Variants in FRMPD1 observed in about 807,000 individuals in gnomAD.
FRMPD1 encodes the protein FERM and PDZ domain-containing protein 1.
In FRMPD1, 76 loss-of-function variants were observed where a neutral mutation model predicts 117.8. The observed-to-expected ratio is 0.65, with a 90% CI of 0.54 to 0.78. FRMPD1 has a LOEUF of 0.78. Ranked by LOEUF, FRMPD1 falls within the 30% of genes least tolerant of loss-of-function variation. The pLI is 0.00. For missense variants in FRMPD1, 1,786 were observed against 1,964.5 expected (o/e 0.91, Z 1.72); for synonymous variants, 783 against 770.4 (o/e 1.02, Z -0.27).
intron 7 of FRMPD1, among the ~76,000 whole-genome samples, chr9:37,726,790 G>C (rs1378224535): frequency 6.6e-6 from 1 of 152,176 alleles, no homozygotes; most frequent in Non-Finnish European, 1.5e-5. Flanking sequence ...AGGGTGAGGA[G>C]ATGAGATCTG....
chr9:37,708,621 G>A lies in FRMPD1; in HGVS notation c.362+120G>A, dbSNP rs535352515. On this transcript the variant is annotated intron_variant, in intron 4 of 15. Coordinates refer to ENST00000377765, the MANE Select transcript of FRMPD1 (RefSeq NM_014907.3). Reference sequence around the variant, plus strand: ...ATAAGGCTAAGTCTCCTTTAAAGCAGCAAAAACAGCCTCGTTTTAGAGTTC... The same window carrying A: ...ATAAGGCTAAGTCTCCTTTAAAGCAACAAAAACAGCCTCGTTTTAGAGTTC... The A allele has an allele frequency of 2.1e-5, 13 of 621,490 alleles. No homozygotes were observed. In the South Asian group the frequency reaches 2.4e-4, roughly 12 times the overall value. The allele number at this position is 621,490 out of a possible 1,614,324, so 38.5% of individuals were successfully genotyped here. A position where few individuals can be genotyped will look rare whatever the true frequency, so the allele number is the denominator to read the frequency against.
In FRMPD1 at chr9:37,685,285, T is replaced by C. The variant is rs539526671; in HGVS notation, c.-4-7353T>C. On this transcript the variant is annotated intron_variant, in intron 1 of 15. Coordinates refer to ENST00000377765, the MANE Select transcript of FRMPD1 (RefSeq NM_014907.3). ...TGAGTTGATATGTGAAGAGTCTTCC[T>C]TGTGGCATACCTGAGAGTTGTATTT... Among the ~76,000 whole-genome samples the C allele has an allele frequency of 7.4e-4, 112 of 152,362 alleles. 1 individual carries two copies. Among genetic ancestry groups the C allele is most frequent in the African/African-American group, 2.5e-3 (106 of 41,586 alleles).
intron 5 of FRMPD1, among the ~76,000 whole-genome samples, chr9:37,716,249 G>C (rs1478273565): frequency 6.6e-6 from 1 of 152,220 alleles, no homozygotes; most frequent in African/African-American, 2.4e-5. Flanking sequence ...CCAAGGGATA[G>C]CTTCCAAGCC....
chr9:37,614,529 C>T, the FRMPD1 span, among the ~76,000 whole-genome samples: 1 of 152,176 alleles, frequency 6.6e-6, no homozygotes, highest in Admixed American at 6.5e-5. Flanking sequence ...CAGGGAAAGG[C>T]CAGCTGAAAT....
intron 1 of FRMPD1, among the ~76,000 whole-genome samples, chr9:37,655,755 G>A (rs1312865473): frequency 2.6e-5 from 4 of 151,682 alleles, no homozygotes; most frequent in African/African-American, 7.3e-5. Flanking sequence ...CACCCGCCTC[G>A]GCCTCCCAAA....
intron 7 of FRMPD1, among the ~76,000 whole-genome samples, chr9:37,728,898 G>A (rs765330723): frequency 3.3e-5 from 5 of 151,666 alleles, no homozygotes; most frequent in South Asian, 2.1e-4. Flanking sequence ...AGGTGGCGGC[G>A]GTTGCAGTGA....
intron 5 of FRMPD1, among the ~76,000 whole-genome samples, chr9:37,712,470 C>T (rs1822945157): frequency 6.6e-6 from 1 of 152,196 alleles, no homozygotes; most frequent in Admixed American, 6.5e-5. Context: ...ATTCTCCTGC[C>T]TCAACTTCCC....
the FRMPD1 span, among the ~76,000 whole-genome samples, chr9:37,618,669 C>A: frequency 2.0e-5 from 3 of 152,148 alleles, no homozygotes. Context: ...TCTCCCTGAC[C>A]ATATACCCTA....
At chr9:37,735,859 G>A (rs1824097514) in intron 13 of FRMPD1, 125 bp downstream of exon 13, 13 of 660,176 alleles carry the variant, frequency 2.0e-5, no homozygotes, top group South Asian at 6.6e-5. Context: ...TTAAGAGGAC[G>A]AATTGTCCAT....
intron 8 of FRMPD1, among the ~76,000 whole-genome samples, chr9:37,730,266 C>G (rs1283756800): frequency 1.3e-5 from 2 of 152,148 alleles, no homozygotes; most frequent in African/African-American, 4.8e-5. Flanking sequence ...CGATATGGTT[C>G]CTGATGGCAG....
the FRMPD1 span, among the ~76,000 whole-genome samples, chr9:37,639,903 A>T: frequency 6.6e-6 from 1 of 152,152 alleles, no homozygotes; most frequent in Non-Finnish European, 1.5e-5. Flanking sequence ...TCAAGTAAAA[A>T]ATAAAATTTT....
rs183970709 is a variant in FRMPD1, at chr9:37,685,874, G to A, written c.-4-6764G>A. ...TTTATCCTTTGCTGCCTCCACTGAT[G>A]TTTTCATTTCTCAATAGCTTGTGCT... On this transcript the variant is annotated intron_variant, in intron 1 of 15. Transcript: ENST00000377765. Among the ~76,000 whole-genome samples, 45 of 152,222 alleles carry A rather than the reference G, an allele frequency of 3.0e-4. 1 individual carries two copies. The East Asian group carries it at 6.9e-3, about 23-fold the overall frequency.
At chr9:37,626,642 A>AAAAAAAAAAAAAAAAAAAAAAAAAAAG in the FRMPD1 span, among the ~76,000 whole-genome samples, 1 of 146,312 alleles carries the variant, frequency 6.8e-6, no homozygotes, top group African/African-American at 2.5e-5. Flanking sequence ...AAAAAAAAAA[A>AAAAAAAAAAAAAAAAAAAAAAAAAAAG]GCTGGAGGTG....
At chr9:37,610,080 C>T in the FRMPD1 span, among the ~76,000 whole-genome samples, 1 of 152,222 alleles carries the variant, frequency 6.6e-6, no homozygotes, top group Non-Finnish European at 1.5e-5. Context: ...CACTTGCCAC[C>T]ATTGAACATA....
In FRMPD1 at chr9:37,744,882, C is replaced by G. The variant is rs768645384; in HGVS notation, c.2850C>G (p.Pro950=). The change falls in exon 16 of 16, where the codon CCC becomes CCG. Residue 950 remains proline (P), a synonymous_variant. Transcript: ENST00000377765. The part of the protein sequence containing the change: ...SISAIRFRID[P]NNKENSGVVP... ...CTGCCATTCGCTTCCGGATTGACCCCAACAATAAAGAGAATTCTGGTGTTG... is the reference window on the plus strand; with the variant it reads ...CTGCCATTCGCTTCCGGATTGACCCGAACAATAAAGAGAATTCTGGTGTTG... 6.2e-7 allele frequency: 1 copy of G among 1,614,180 alleles called. No homozygotes were observed. The highest frequency in any genetic ancestry group is 2.2e-5 in the East Asian group (1 of 44,890).
chr9:37,697,786 C>G (rs192453259), intron 2 of FRMPD1, among the ~76,000 whole-genome samples: 1 of 152,208 alleles, frequency 6.6e-6, no homozygotes, highest in Non-Finnish European at 1.5e-5. Flanking sequence ...GATAAAATGA[C>G]AAAGATTTGA....
the FRMPD1 span, among the ~76,000 whole-genome samples, chr9:37,645,859 G>A: frequency 6.6e-6 from 1 of 152,168 alleles, no homozygotes; most frequent in Non-Finnish European, 1.5e-5. Context: ...TTCTCTTTGT[G>A]ACTATAACAC....
the FRMPD1 span, among the ~76,000 whole-genome samples, chr9:37,611,713 G>A: frequency 6.6e-6 from 1 of 152,184 alleles, no homozygotes; most frequent in African/African-American, 2.4e-5. Context: ...TAGTAAACCT[G>A]TATGCATAGC....
At chr9:37,676,920 A>G (rs1821550074) in intron 1 of FRMPD1, among the ~76,000 whole-genome samples, 1 of 152,160 alleles carries the variant, frequency 6.6e-6, no homozygotes, top group African/African-American at 2.4e-5. Context: ...CACGATGAAC[A>G]CCCAAAGGGC....
Sources: gnomAD v4.1 joint callset for allele counts (sites outside exome capture counted in the v4.1 genomes callset) on GRCh38, gnomAD v4.1.1 for gene constraint, MANE v1.5 for transcripts, NCBI Gene and HGNC (gene_info 2026-07-23, HGNC 2026-07-21) for gene names.